Variants in TUSC3 observed in about 807,000 individuals in gnomAD.
TUSC3 encodes the protein dolichyl-diphosphooligosaccharide--protein glycosyltransferase subunit TUSC3.
Under a neutral mutation model 44.8 loss-of-function variants are expected in TUSC3, and 45 were observed. The ratio of observed to expected loss-of-function variants is 1.00; its 90% CI spans 0.79 to 1.29. The LOEUF (loss-of-function observed/expected upper bound fraction) is 1.29, where lower values mean the gene tolerates loss of function less well. Ranked by LOEUF, TUSC3 falls within the 50% of genes most tolerant of loss-of-function variation. The pLI is 0.00. For synonymous variants in TUSC3, 212 were observed against 152.9 expected, an observed-to-expected ratio of 1.39 and a Z score of -2.85; for missense variants, 519 against 437.9, an observed-to-expected ratio of 1.19 and a Z score of -1.65.
chr8:15,543,497 C>T (rs1327471738), intron 1 of TUSC3, among the ~76,000 whole-genome samples: 2 of 152,080 alleles, frequency 1.3e-5, no homozygotes, highest in Non-Finnish European at 2.9e-5. Flanking sequence ...AAACTCTCTG[C>T]ATTTTAGTTT....
chr8:15,464,603 C>G (rs1185062570), intron 1 of TUSC3, among the ~76,000 whole-genome samples: 4 of 152,114 alleles, frequency 2.6e-5, no homozygotes, highest in Non-Finnish European at 4.4e-5. Context: ...TCTTTTATAT[C>G]TAATAAACTT....
intron 1 of TUSC3, among the ~76,000 whole-genome samples, chr8:15,608,835 G>C (rs920259691): frequency 3.3e-5 from 5 of 152,040 alleles, no homozygotes; most frequent in Admixed American, 2.0e-4. Context: ...AAATTACCCA[G>C]TCTTGGATAT....
chr8:15,538,019 C>G (rs907856360), upstream of TUSC3, among the ~76,000 whole-genome samples: 1 of 152,066 alleles, frequency 6.6e-6, no homozygotes, highest in Non-Finnish European at 1.5e-5. Flanking sequence ...CTCTTATGTA[C>G]GCACATAGGA....
chr8:15,452,531 G>A (rs1306869249), intron 1 of TUSC3, among the ~76,000 whole-genome samples: 2 of 152,040 alleles, frequency 1.3e-5, no homozygotes, highest in Non-Finnish European at 1.5e-5. Context: ...TATTAGTACT[G>A]TGGAGCCCTA....
the TUSC3 span, among the ~76,000 whole-genome samples, chr8:15,834,587 C>T: frequency 2.0e-5 from 3 of 151,976 alleles, no homozygotes; most frequent in African/African-American, 7.2e-5. Flanking sequence ...TATTATATGC[C>T]TTTTTAGCAG....
At chr8:15,563,124 G>C (rs1043844036) in intron 1 of TUSC3, among the ~76,000 whole-genome samples, 9 of 152,006 alleles carry the variant, frequency 5.9e-5, no homozygotes, top group African/African-American at 2.2e-4. Context: ...ATATAAACAG[G>C]CATGACAGTC....
rs192797214 is a variant in TUSC3, at chr8:15,766,358, C to A, written c.*2202C>A. The A allele has an allele frequency of 6.6e-6, 1 of 151,904 alleles. No homozygotes were observed. Among genetic ancestry groups the A allele is most frequent in the Non-Finnish European group, 1.5e-5 (1 of 67,962 alleles). The allele number at this position is 151,904 out of a possible 1,614,324, so 9.4% of individuals were successfully genotyped here. ...TGTAACGTGCAAAATCACATACATG[C>A]GATGTATTTACCTTTGCTAGACAAT... On this transcript the variant is annotated 3_prime_UTR_variant, in exon 11 of 11. Transcript: ENST00000503731.
chr8:15,739,547 T>G (rs1262280956), intron 7 of TUSC3, among the ~76,000 whole-genome samples: 1 of 152,188 alleles, frequency 6.6e-6, no homozygotes, highest in Non-Finnish European at 1.5e-5. Flanking sequence ...ACAAAAATAG[T>G]AAATTATAAA....
chr8:15,749,131 A>G lies in TUSC3; in HGVS notation c.1028+666A>G, dbSNP rs200715787. 3.5e-5 allele frequency among the ~76,000 whole-genome samples: 4 copies of G among 114,682 alleles called. No individual in the cohort carries two copies. The East Asian group carries it at 1.2e-3, about 34-fold the overall frequency. 75.2% of individuals were successfully genotyped at this position (114,682 alleles called of 152,430 possible). A position where few individuals can be genotyped will look rare whatever the true frequency, so the allele number is the denominator to read the frequency against. On this transcript the variant is annotated intron_variant, in intron 9 of 10. Transcript: ENST00000503731. ...TTCAAGTTTTCTTAAATAACTTAACATTTTTTTCTTTCTCTAAGGAGTCCT... is the reference window on the plus strand; with the variant it reads ...TTCAAGTTTTCTTAAATAACTTAACGTTTTTTTCTTTCTCTAAGGAGTCCT...
At chr8:15,723,155 A>G (rs1209247096) in intron 6 of TUSC3, among the ~76,000 whole-genome samples, 1 of 152,150 alleles carries the variant, frequency 6.6e-6, no homozygotes, top group Non-Finnish European at 1.5e-5. Flanking sequence ...TGATCCTCAA[A>G]TAGGAAAATA....
chr8:15,639,736 C>G (rs182421933), intron 2 of TUSC3, among the ~76,000 whole-genome samples: 6 of 148,290 alleles, frequency 4.0e-5, no homozygotes, highest in South Asian at 2.1e-4. Flanking sequence ...TTTTCATGGT[C>G]TCAGACCTTA....
At chr8:15,517,520 G>C (rs534477566) in intron 2 of TUSC3, among the ~76,000 whole-genome samples, 2 of 74,910 alleles carry the variant, frequency 2.7e-5, no homozygotes, top group African/African-American at 1.3e-4. Context: ...TTTAGCGTGA[G>C]GCAAAAAAAA....
chr8:15,507,147 G>A (rs541245237), intron 2 of TUSC3, among the ~76,000 whole-genome samples: 1 of 152,222 alleles, frequency 6.6e-6, no homozygotes, highest in East Asian at 1.9e-4. Context: ...AGGGCCAAGG[G>A]GAGCTCCCCC....
chr8:15,670,711 TTC>T (rs1413990255), intron 5 of TUSC3, among the ~76,000 whole-genome samples: 1 of 151,800 alleles, frequency 6.6e-6, no homozygotes, highest in African/African-American at 2.4e-5. Flanking sequence ...AATTAAGAAC[TTC>T]TGTTTGTCAA....
intron 2 of TUSC3, among the ~76,000 whole-genome samples, chr8:15,498,043 C>T (rs1181265494): frequency 1.3e-5 from 2 of 152,096 alleles, no homozygotes; most frequent in East Asian, 1.9e-4. Context: ...AGCCACTGTG[C>T]CCGGCTCTGT....
At chr8:15,631,798 C>T (rs532071141) in intron 2 of TUSC3, among the ~76,000 whole-genome samples, 17 of 151,982 alleles carry the variant, frequency 1.1e-4, no homozygotes, top group South Asian at 8.3e-4. Context: ...CTCTGCCTCA[C>T]GGGTTCAAGC....
intron 2 of TUSC3, among the ~76,000 whole-genome samples, chr8:15,641,445 T>A (rs1806367509): frequency 6.6e-6 from 1 of 151,986 alleles, no homozygotes; most frequent in Non-Finnish European, 1.5e-5. Flanking sequence ...AAGCCTAGTT[T>A]ATCAAAGGAA....
chr8:15,457,563 C>G (rs1294694100), intron 1 of TUSC3, among the ~76,000 whole-genome samples: 2 of 150,832 alleles, frequency 1.3e-5, no homozygotes, highest in African/African-American at 2.4e-5. Context: ...GAGAACTTTT[C>G]TGCACATACG....
chr8:15,784,258 C>G, the TUSC3 span, among the ~76,000 whole-genome samples: 1 of 152,102 alleles, frequency 6.6e-6, no homozygotes, highest in African/African-American at 2.4e-5. Context: ...GAATGTACAT[C>G]AGTACAGCCA....
Sources: gnomAD v4.1 joint callset for allele counts (sites outside exome capture counted in the v4.1 genomes callset) on GRCh38, gnomAD v4.1.1 for gene constraint, MANE v1.5 for transcripts, NCBI Gene and HGNC (gene_info 2026-07-23, HGNC 2026-07-21) for gene names.